The following AGBL4 variants were observed in gnomAD, a reference collection of about 807,000 sequenced individuals.
AGBL4 encodes cytosolic carboxypeptidase 6.
Under a neutral mutation model 66.4 loss-of-function variants are expected in AGBL4, and 58 were observed. The observed-to-expected ratio is 0.87, with a 90% confidence interval of 0.71 to 1.09. The LOEUF is 1.09. Ranked by LOEUF, AGBL4 falls within the 50% of genes least tolerant of loss-of-function variation. AGBL4 has a pLI of 0.00. For missense variants in AGBL4, 579 were observed against 631.0 expected (o/e 0.92, Z 0.88); for synonymous variants, 234 against 222.9 (o/e 1.05, Z -0.44).
intron 2 of AGBL4, among the ~76,000 whole-genome samples, chr1:49,708,654 GC>G (rs1647393097): frequency 6.6e-6 from 1 of 152,076 alleles, no homozygotes; most frequent in Admixed American, 6.6e-5. Context: ...TGAATTTTCA[GC>G]CTTTTTGCAC....
At chr1:49,169,409 T>C (rs562057107) in intron 4 of AGBL4, among the ~76,000 whole-genome samples, 1 of 152,332 alleles carries the variant, frequency 6.6e-6, no homozygotes, top group East Asian at 1.9e-4. Flanking sequence ...CTTGCATTTT[T>C]CTGTTTCACT....
rs1252626888 is a variant in AGBL4, at chr1:49,314,322, TG to T, written c.283-68459del. On this transcript the variant is annotated intron_variant, in intron 3 of 13. Transcript: ENST00000371839. ...TAGGTATACACGTGCCATGGTGGTT[TG>T]CTGCACCTATTAACTCGTCATCTAC... 3.3e-5 allele frequency among the ~76,000 whole-genome samples: 5 copies of T among 152,206 alleles called. No individual in the cohort carries two copies. In the East Asian group the frequency reaches 9.7e-4, roughly 29 times the overall value.
At chr1:48,936,205 G>C (rs1655462429) in intron 5 of AGBL4, among the ~76,000 whole-genome samples, 1 of 151,960 alleles carries the variant, frequency 6.6e-6, no homozygotes, top group African/African-American at 2.4e-5. Context: ...TAGGAGGTAG[G>C]AGGATTGCTT....
intron 5 of AGBL4, among the ~76,000 whole-genome samples, chr1:48,915,236 A>T (rs1239383757): frequency 2.6e-5 from 4 of 152,118 alleles, no homozygotes; most frequent in Non-Finnish European, 4.4e-5. Context: ...CTTTTGTTGC[A>T]TTTGGAACAT....
chr1:49,262,230 C>T (rs1008757488), intron 3 of AGBL4, among the ~76,000 whole-genome samples: 13 of 152,096 alleles, frequency 8.5e-5, no homozygotes, highest in Admixed American at 2.0e-4. Flanking sequence ...TAGGCATTAC[C>T]ATTCAGGACA....
intron 3 of AGBL4, among the ~76,000 whole-genome samples, chr1:49,453,414 C>T (rs1456566839): frequency 6.6e-6 from 1 of 151,718 alleles, no homozygotes; most frequent in Non-Finnish European, 1.5e-5. Context: ...TGATATGGCA[C>T]CTGGCAAAGA....
At chr1:49,819,713 ATACGCTC>A (rs1645319682) in intron 2 of AGBL4, among the ~76,000 whole-genome samples, 1 of 152,156 alleles carries the variant, frequency 6.6e-6, no homozygotes, top group South Asian at 2.1e-4. Flanking sequence ...CCCACACACC[ATACGCTC>A]TATTCTCTAG....
At chr1:49,936,237 G>C (rs1022870796) in intron 1 of AGBL4, among the ~76,000 whole-genome samples, 1 of 152,166 alleles carries the variant, frequency 6.6e-6, no homozygotes, top group Non-Finnish European at 1.5e-5. Flanking sequence ...AAGGGTATCA[G>C]CGATGGAAGA....
At chr1:48,950,271 T>G (rs1299530346) in intron 5 of AGBL4, among the ~76,000 whole-genome samples, 1 of 152,096 alleles carries the variant, frequency 6.6e-6, no homozygotes, top group Non-Finnish European at 1.5e-5. Flanking sequence ...TAACTTTTTG[T>G]ATCTTTAGTA....
At chr1:49,173,110 ACT>A (rs2148168003) in intron 4 of AGBL4, among the ~76,000 whole-genome samples, 1 of 151,854 alleles carries the variant, frequency 6.6e-6, no homozygotes, top group Admixed American at 6.6e-5. Context: ...CAAGAGTGAA[ACT>A]CTGTCTCAAA....
chr1:49,394,665 A>T (rs1644917689), intron 3 of AGBL4, among the ~76,000 whole-genome samples: 1 of 152,186 alleles, frequency 6.6e-6, no homozygotes, highest in South Asian at 2.1e-4. Context: ...TCCATGGCAA[A>T]GATATATTTG....
At chr1:49,299,984 A>G in intron 3 of AGBL4, among the ~76,000 whole-genome samples, 1 of 152,124 alleles carries the variant, frequency 6.6e-6, no homozygotes, top group East Asian at 1.9e-4. Flanking sequence ...TTCACACATC[A>G]TTGTACTTGA....
chr1:49,572,424 CTTATT>C (rs1300273328), intron 3 of AGBL4, among the ~76,000 whole-genome samples: 1 of 152,104 alleles, frequency 6.6e-6, no homozygotes, highest in Admixed American at 6.6e-5. Context: ...TGTTACATTT[CTTATT>C]TTATTTATTT....
At chr1:49,885,123 T>C (rs1647881150) in intron 1 of AGBL4, among the ~76,000 whole-genome samples, 1 of 151,980 alleles carries the variant, frequency 6.6e-6, no homozygotes, top group Non-Finnish European at 1.5e-5. Context: ...CCTTTTTATA[T>C]GACACGTATT....
intron 1 of AGBL4, among the ~76,000 whole-genome samples, chr1:49,974,993 C>T (rs560508162): frequency 6.6e-6 from 1 of 152,194 alleles, no homozygotes; most frequent in Admixed American, 6.5e-5. Flanking sequence ...ACATTTTTAA[C>T]AAAAGTATTC....
At position 48,619,736 on chromosome 1, in the gene AGBL4, G is replaced by A. The variant is rs917472779; in HGVS notation, c.951+14757C>T. Reference sequence around the variant, plus strand: ...CCTCCCGACTGCTGAGTCTGCATAGGTGGTGCCAGGAGTTTAAAGCAAAGC... The same window carrying A: ...CCTCCCGACTGCTGAGTCTGCATAGATGGTGCCAGGAGTTTAAAGCAAAGC... On this transcript the variant is annotated intron_variant, in intron 9 of 13. Transcript: ENST00000371839. 2.8e-4 allele frequency among the ~76,000 whole-genome samples: 42 copies of A among 152,296 alleles called. 1 individual carries two copies. The highest frequency in any genetic ancestry group is 1.0e-3 in the African/African-American group (42 of 41,570).
intron 6 of AGBL4, chr1:48,817,568 G>A (rs911394267): frequency 2.5e-5 from 4 of 157,232 alleles, no homozygotes; most frequent in African/African-American, 9.6e-5. Flanking sequence ...TAATCCTGTG[G>A]GTATCTGGAC....
intron 6 of AGBL4, among the ~76,000 whole-genome samples, chr1:48,761,692 T>C (rs1165627759): frequency 1.3e-5 from 2 of 152,158 alleles, no homozygotes; most frequent in Admixed American, 6.5e-5. Context: ...TCATACAAAG[T>C]GTTGAAATAG....
chr1:49,632,983 AG>A lies in AGBL4; in HGVS notation c.282+64329del, dbSNP rs747455556. The stretch of plus-strand genomic sequence containing the variant: ...CAGCTACTCGGGAGGCTGAGGCAGG[AG>A]AATTGCTTGAACCTGGGAGGCAGAG... On this transcript the variant is annotated intron_variant, in intron 3 of 13. Transcript: ENST00000371839. Among the ~76,000 whole-genome samples, 341 of 152,298 alleles carry A rather than the reference AG, an allele frequency of 2.2e-3. 2 individuals are homozygous for A. Among genetic ancestry groups the A allele is most frequent in the Non-Finnish European group, 2.9e-3 (194 of 68,026 alleles).
Sources: gnomAD v4.1 joint callset for allele counts (sites outside exome capture counted in the v4.1 genomes callset) on GRCh38, gnomAD v4.1.1 for gene constraint, MANE v1.5 for transcripts, NCBI Gene and HGNC (gene_info 2026-07-23, HGNC 2026-07-21) for gene names.